The following SF3B3 variants were observed in gnomAD, a reference collection of about 807,000 sequenced individuals.
The protein encoded by SF3B3 is splicing factor 3b subunit 3.
In SF3B3, 33 loss-of-function variants were observed where a neutral mutation model predicts 139.2. The ratio of observed to expected loss-of-function variants is 0.24; its 90% CI spans 0.18 to 0.32. The LOEUF (loss-of-function observed/expected upper bound fraction) is 0.32, where lower values mean the gene tolerates loss of function less well. Among genes scored for constraint, SF3B3 ranks in the 10% least tolerant of loss-of-function variants. SF3B3 has a pLI of 1.00. For synonymous variants in SF3B3, 596 were observed against 563.6 expected (o/e 1.06, Z -0.81); for missense variants, 818 against 1,509.4 (o/e 0.54, Z 7.59).
chr16:70,567,317 G>A, intron 20 of SF3B3, 94 bp from the exon 21 acceptor site: 1 of 1,354,500 alleles, frequency 7.4e-7, no homozygotes, highest in South Asian at 1.4e-5. Flanking sequence ...CTTAATGATA[G>A]GCTCCTGTGG....
intron 10 of SF3B3, among the ~76,000 whole-genome samples, chr16:70,545,964 G>A (rs549469234): frequency 6.6e-6 from 1 of 152,214 alleles, no homozygotes; most frequent in Admixed American, 6.5e-5. Flanking sequence ...AGAGCCATAG[G>A]TCTGGTTTTT....
chr16:70,565,612 A>G (rs2050468271), intron 20 of SF3B3, 88 bp downstream of exon 20: 1 of 1,218,438 alleles, frequency 8.2e-7, no homozygotes, highest in African/African-American at 1.5e-5. Flanking sequence ...TCTTTTGGGG[A>G]CCAGCTCCTT....
intron 4 of SF3B3, 133 bp from the exon 5 acceptor site, chr16:70,532,346 A>G: frequency 1.7e-6 from 1 of 578,518 alleles, no homozygotes; most frequent in East Asian, 3.3e-5. Flanking sequence ...CATAGTGAGA[A>G]CCTGTCTCTC....
In SF3B3 at chr16:70,567,682, GTT is replaced by G. The variant is rs753839596; in HGVS notation, c.2952+152_2952+153del. On this transcript the variant is annotated intron_variant, in intron 21 of 25. Transcript: ENST00000302516. Reference sequence around the variant, plus strand: ...ATTCCAGCTTCAGAATTATGCCCTTGTTTTTTTGTTTTTTGGTTTTTGAGACG... The same window carrying G: ...ATTCCAGCTTCAGAATTATGCCCTTGTTTTTGTTTTTTGGTTTTTGAGACG... 5.7e-6 allele frequency: 6 copies of G among 1,056,686 alleles called. No homozygotes were observed. In the East Asian group the frequency reaches 8.4e-5, roughly 15 times the overall value. 65.5% of individuals were successfully genotyped at this position (1,056,686 alleles called of 1,614,324 possible).
At chr16:70,556,405 T>G in intron 14 of SF3B3, 71 bp downstream of exon 14, 3 of 1,524,134 alleles carry the variant, frequency 2.0e-6, no homozygotes, top group Non-Finnish European at 2.7e-6. Flanking sequence ...TGTCTATCTC[T>G]GAGATCCACT....
chr16:70,561,554 G>A (rs2050429097), intron 16 of SF3B3, 76 bp from the exon 17 acceptor site: 2 of 1,286,162 alleles, frequency 1.6e-6, no homozygotes, highest in African/African-American at 1.5e-5. Flanking sequence ...TTGGGGATAG[G>A]GCTTTTGGTC....
intron 9 of SF3B3, among the ~76,000 whole-genome samples, chr16:70,544,083 A>G (rs1437365885): frequency 1.3e-5 from 2 of 152,218 alleles, no homozygotes; most frequent in East Asian, 1.9e-4. Context: ...AATATTTTTT[A>G]AAGTTGTGGA....
At chr16:70,539,231 A>G in intron 8 of SF3B3, 24 bp downstream of exon 8, 2 of 1,521,972 alleles carry the variant, frequency 1.3e-6, no homozygotes, top group Non-Finnish European at 1.8e-6. Flanking sequence ...CTGTTACCCT[A>G]GTTCACCCTG....
rs559798817 is a variant in SF3B3, at chr16:70,533,358, C to T, written c.712+738C>T. On this transcript the variant is annotated intron_variant, in intron 5 of 25. Coordinates refer to ENST00000302516, the MANE Select transcript of SF3B3 (RefSeq NM_012426.5). The stretch of plus-strand genomic sequence containing the variant: ...GTAAATATTAAAAAAAAAAGTAAAA[C>T]AGATTTCTCTAGAGTAGAAAAAGAG... Among the ~76,000 whole-genome samples, 13 of 151,694 alleles carry T rather than the reference C, an allele frequency of 8.6e-5. 1 individual carries two copies. The highest frequency in any genetic ancestry group is 8.5e-4 in the Admixed American group (13 of 15,222).
chr16:70,547,843 G>A (rs930804062), intron 10 of SF3B3, among the ~76,000 whole-genome samples: 1 of 152,198 alleles, frequency 6.6e-6, no homozygotes, highest in Non-Finnish European at 1.5e-5. Context: ...ACCCGCCTCG[G>A]CATCCCAAAG....
chr16:70,561,505 T>C (rs1443991852), intron 16 of SF3B3, 125 bp from the exon 17 acceptor site: 4 of 794,668 alleles, frequency 5.0e-6, no homozygotes, highest in Admixed American at 2.3e-5. Context: ...TAGCCTGTTA[T>C]ATTTCTAGAA....
chr16:70,572,995 C>A lies in SF3B3; in HGVS notation c.*1182C>A, dbSNP rs1031313698. On this transcript the variant is annotated 3_prime_UTR_variant, in exon 26 of 26. Transcript: ENST00000302516. ...TTTCTTTCGTCTGCATGTGCTCAGC[C>A]ATCTAAATTGAGCAAATGATCTGGT... 1.3e-5 allele frequency: 2 copies of A among 152,158 alleles called. No homozygotes were observed. The highest frequency in any genetic ancestry group is 4.8e-5 in the African/African-American group (2 of 41,414). The allele number at this position is 152,158 out of a possible 1,614,324, so 9.4% of individuals were successfully genotyped here.
intron 11 of SF3B3, among the ~76,000 whole-genome samples, chr16:70,552,865 C>T (rs1053218225): frequency 6.6e-6 from 1 of 152,190 alleles, no homozygotes; most frequent in Admixed American, 6.5e-5. Context: ...ATTGATTTTA[C>T]GTCCTGCTAA....
In SF3B3 at chr16:70,557,102, CAG is replaced by C. The variant is rs1417093810; in HGVS notation, c.2010+74_2010+75del. 1.1e-5 allele frequency: 16 copies of C among 1,450,636 alleles called. No individual in the cohort carries two copies. The East Asian group carries it at 2.8e-4, about 26-fold the overall frequency. The allele number at this position is 1,450,636 out of a possible 1,614,324, so 89.9% of individuals were successfully genotyped here. A position where few individuals can be genotyped will look rare whatever the true frequency, so the allele number is the denominator to read the frequency against. ...TTTCACACACTCCTTTGTTTGATAA[CAG>C]GGATTTTCTCTGCCCATGGTTTCAG... is the stretch of plus-strand genomic sequence containing the variant. On this transcript the variant is annotated intron_variant, in intron 15 of 25. Transcript: ENST00000302516.
At chr16:70,534,367 A>G (rs1567410933) in intron 5 of SF3B3, among the ~76,000 whole-genome samples, 1 of 152,244 alleles carries the variant, frequency 6.6e-6, no homozygotes, top group Non-Finnish European at 1.5e-5. Flanking sequence ...AAGTAGGGAA[A>G]TAATCTGATA....
Position 70,565,496 on chromosome 16 carries a change from A to G in SF3B3, c.2798A>G (p.Asn933Ser), listed in dbSNP as rs1194417348. Residue 933 changes from asparagine to serine, a missense_variant, in exon 20 of 26, where the codon AAT becomes AGT. Asn to Ser is a conservative substitution (Grantham distance 46). Around this residue, in one of 14 missense-constraint regions of SF3B3, gnomAD observed 145 missense variants for 153.6 expected, o/e 0.94. Coordinates refer to ENST00000302516, the MANE Select transcript of SF3B3 (RefSeq NM_012426.5). ...GFVYTYKLVN[N>S]GEKLEFLHKT... ...GTCTATACTTACAAGCTTGTGAACAATGGGGAAAAACTGGAGTTTTTGCAC... is the reference window on the plus strand; with the variant it reads ...GTCTATACTTACAAGCTTGTGAACAGTGGGGAAAAACTGGAGTTTTTGCAC... The G allele has an allele frequency of 1.2e-6, 2 of 1,613,976 alleles. No homozygotes were observed. Among genetic ancestry groups the G allele is most frequent in the East Asian group, 2.2e-5 (1 of 44,882 alleles).
intron 1 of SF3B3, chr16:70,525,084 C>T (rs2050043743): frequency 6.6e-6 from 1 of 152,562 alleles, no homozygotes; most frequent in Non-Finnish European, 1.5e-5. Flanking sequence ...GGCTGGAGCG[C>T]AGCGGCTTGA....
chr16:70,534,164 C>G (rs998362300), intron 5 of SF3B3, among the ~76,000 whole-genome samples: 1 of 152,064 alleles, frequency 6.6e-6, no homozygotes, highest in Non-Finnish European at 1.5e-5. Flanking sequence ...GATCTGAGGG[C>G]TAGTTAGAAG....
At chr16:70,563,623 G>T in intron 17 of SF3B3, 1 of 390,156 alleles carries the variant, frequency 2.6e-6, no homozygotes, top group Non-Finnish European at 4.6e-6. Flanking sequence ...TTTGACAATC[G>T]TTTGTGTTTC....
Sources: allele counts gnomAD v4.1 joint callset (sites outside exome capture counted in the v4.1 genomes callset), GRCh38; gene constraint gnomAD v4.1.1; regional missense constraint gnomAD v4.1.1; transcripts MANE v1.5; gene names NCBI Gene and HGNC (gene_info 2026-07-23, HGNC 2026-07-21).